The following NHEJ1 variants were observed in gnomAD, a reference collection of about 807,000 sequenced individuals.
NHEJ1 encodes the protein non-homologous end-joining factor 1.
Under a neutral mutation model 39.4 loss-of-function variants are expected in NHEJ1, and 22 were observed. The observed-to-expected ratio is 0.56, with a 90% CI of 0.40 to 0.80. The LOEUF (loss-of-function observed/expected upper bound fraction) is 0.80, where lower values mean the gene tolerates loss of function less well. NHEJ1 is among the 30% of genes least tolerant of loss of function. NHEJ1 has a pLI of 0.00. For synonymous variants in NHEJ1, 154 were observed against 135.6 expected, an observed-to-expected ratio of 1.14 and a Z score of -0.94; for missense variants, 329 against 357.1, an observed-to-expected ratio of 0.92 and a Z score of 0.63.
At chr2:219,089,047 C>G (rs907349171) in intron 5 of NHEJ1, among the ~76,000 whole-genome samples, 21 of 152,174 alleles carry the variant, frequency 1.4e-4, no homozygotes, top group African/African-American at 4.1e-4. Flanking sequence ...TCTCGATCTC[C>G]TGACCTCGTG....
At chr2:219,138,838 G>GA (rs746479771) in intron 5 of NHEJ1, among the ~76,000 whole-genome samples, 1 of 152,060 alleles carries the variant, frequency 6.6e-6, no homozygotes, top group Non-Finnish European at 1.5e-5. Flanking sequence ...GGTAACATTT[G>GA]AAAAAAGACA....
chr2:219,159,737 T>G (rs1222771290), intron 1 of NHEJ1, among the ~76,000 whole-genome samples: 2 of 151,400 alleles, frequency 1.3e-5, no homozygotes, highest in African/African-American at 4.9e-5. Context: ...ATTAAGCTAG[T>G]CCTAGCCGGA....
intron 5 of NHEJ1, among the ~76,000 whole-genome samples, chr2:219,138,426 C>T (rs1233343444): frequency 2.6e-5 from 4 of 152,222 alleles, no homozygotes; most frequent in African/African-American, 7.2e-5. Flanking sequence ...ACATGTAAGG[C>T]TGCCTATGTC....
chr2:219,088,162 T>C (rs1159619875), intron 5 of NHEJ1, among the ~76,000 whole-genome samples: 1 of 152,270 alleles, frequency 6.6e-6, no homozygotes, highest in African/African-American at 2.4e-5. Flanking sequence ...GAAAACAGTT[T>C]GGCAGTATCT....
Position 219,111,919 on chromosome 2 carries a change from G to A in NHEJ1, c.589-33713C>T, listed in dbSNP as rs1413868258. On this transcript the variant is annotated intron_variant, in intron 5 of 7. Coordinates refer to ENST00000356853, the MANE Select transcript of NHEJ1 (RefSeq NM_024782.3). The surrounding 1 kb of genome is among the most constrained non-coding windows in gnomAD (Gnocchi z 4.1). ...ATGCTTTAGGGGTGGGGGGATGAAT[G>A]AGAGGGGCAGGAGACATTTTAAACA... 2.0e-5 allele frequency among the ~76,000 whole-genome samples: 3 copies of A among 152,190 alleles called. No individual in the cohort carries two copies. Among genetic ancestry groups the A allele is most frequent in the African/African-American group, 7.2e-5 (3 of 41,434 alleles).
intron 5 of NHEJ1, among the ~76,000 whole-genome samples, chr2:219,087,532 G>C (rs1949122540): frequency 6.6e-6 from 1 of 152,038 alleles, no homozygotes; most frequent in Admixed American, 6.5e-5. Context: ...TGACAGCTGG[G>C]AACACAGCCC....
At position 219,074,528 on chromosome 2, in the gene NHEJ1, G is replaced by C. The variant is rs1489958691; in HGVS notation, c.*1853C>G. On this transcript the variant is annotated 3_prime_UTR_variant, in exon 8 of 8. Coordinates refer to ENST00000356853, the MANE Select transcript of NHEJ1 (RefSeq NM_024782.3). The stretch of plus-strand genomic sequence containing the variant: ...GGAGGCCGAGGCAGGTAGATCACCT[G>C]AGGTCAGGAGTTCGAGACCAGCCTA... 6.6e-6 allele frequency among the ~76,000 whole-genome samples: 1 copy of C among 152,126 alleles called. No homozygotes were observed. The highest frequency in any genetic ancestry group is 1.5e-5 in the Non-Finnish European group (1 of 68,016).
At chr2:219,095,293 T>C (rs937212374) in intron 5 of NHEJ1, 7 of 470,730 alleles carry the variant, frequency 1.5e-5, no homozygotes, top group Admixed American at 7.0e-5. Flanking sequence ...AAGAGACCGA[T>C]GCAGCATGTA....
chr2:219,131,894 G>C (rs2030449), intron 5 of NHEJ1, among the ~76,000 whole-genome samples: 79,125 of 152,146 alleles, frequency 0.52, 22,175 homozygotes, highest in Non-Finnish European at 0.63. Context: ...CTACTGCCCA[G>C]AAAACTTCCA....
intron 5 of NHEJ1, among the ~76,000 whole-genome samples, chr2:219,090,330 T>C (rs1384445751): frequency 1.3e-5 from 2 of 152,222 alleles, no homozygotes; most frequent in Admixed American, 1.3e-4. Flanking sequence ...AGCTGTGGAA[T>C]GGGAATGATA....
chr2:219,144,855 G>A (rs984972122), intron 5 of NHEJ1, among the ~76,000 whole-genome samples: 27 of 152,034 alleles, frequency 1.8e-4, no homozygotes, highest in African/African-American at 6.0e-4. Context: ...AGAGAAAAAC[G>A]GCCTAAGAAA....
At position 219,138,645 on chromosome 2, in the gene NHEJ1, G is replaced by A. The variant is rs542861406; in HGVS notation, c.588+8035C>T. Among the ~76,000 whole-genome samples, 43 of 152,304 alleles carry A rather than the reference G, an allele frequency of 2.8e-4. 1 individual carries two copies. The South Asian group carries it at 8.5e-3, about 30-fold the overall frequency. On this transcript the variant is annotated intron_variant, in intron 5 of 7. Transcript: ENST00000356853. ...TGAGCTTACATTCTAACAGACAGGA[G>A]ATAGACCATAAACAGTAAGTATAAT...
At chr2:219,115,352 C>T (rs902323159) in intron 5 of NHEJ1, among the ~76,000 whole-genome samples, 3 of 152,046 alleles carry the variant, frequency 2.0e-5, no homozygotes, top group African/African-American at 7.2e-5. Flanking sequence ...GGAAGAAATG[C>T]AGTCAATGAC....
chr2:219,091,293 G>A (rs1949158022), intron 5 of NHEJ1, among the ~76,000 whole-genome samples: 1 of 152,108 alleles, frequency 6.6e-6, no homozygotes, highest in Admixed American at 6.5e-5. Flanking sequence ...TTTTTCCGCA[G>A]TCCTAGATTC....
chr2:219,091,060 C>G (rs1442776990), intron 5 of NHEJ1, among the ~76,000 whole-genome samples: 1 of 152,138 alleles, frequency 6.6e-6, no homozygotes, highest in Admixed American at 6.5e-5. Context: ...GTGCCAGGCA[C>G]TGAAGTATGT....
chr2:219,146,528 C>T (rs1183675076), intron 5 of NHEJ1, 152 bp downstream of exon 5: 7 of 755,230 alleles, frequency 9.3e-6, no homozygotes, highest in African/African-American at 8.6e-5. Flanking sequence ...AAGTACATCT[C>T]AAGCCTTATC....
chr2:219,117,408 C>T (rs1197726601), intron 5 of NHEJ1, among the ~76,000 whole-genome samples: 2 of 152,188 alleles, frequency 1.3e-5, no homozygotes, highest in African/African-American at 4.8e-5. Flanking sequence ...ACCTTCTTGC[C>T]TGGACTCACC....
chr2:219,123,359 C>T (rs1275540110), intron 5 of NHEJ1, among the ~76,000 whole-genome samples: 3 of 152,194 alleles, frequency 2.0e-5, no homozygotes, highest in Non-Finnish European at 4.4e-5. Flanking sequence ...AAGCGGAAAG[C>T]TATTCTACGA....
intron 5 of NHEJ1, among the ~76,000 whole-genome samples, chr2:219,114,866 C>T (rs942150772): frequency 6.6e-6 from 1 of 152,158 alleles, no homozygotes; most frequent in Non-Finnish European, 1.5e-5. Flanking sequence ...AACATTGCTA[C>T]CGGGTACCAG....
Sources: allele counts gnomAD v4.1 joint callset (sites outside exome capture counted in the v4.1 genomes callset), GRCh38; gene constraint gnomAD v4.1.1; non-coding constraint Gnocchi (gnomAD v3.1); transcripts MANE v1.5; gene names NCBI Gene and HGNC (gene_info 2026-07-23, HGNC 2026-07-21).